SLC35F4: variants seen among roughly 807,000 people sequenced by gnomAD.
SLC35F4 encodes the protein chromosome 14 open reading frame 36.
A neutral mutation model predicts 44.2 loss-of-function variants in SLC35F4; 24 were observed. The observed-to-expected ratio is 0.54, with a 90% confidence interval of 0.39 to 0.76. The LOEUF is 0.76. SLC35F4 is among the 30% of genes least tolerant of loss of function. The pLI is 0.00. For missense variants in SLC35F4, 562 were observed against 586.1 expected (o/e 0.96, Z 0.42); for synonymous variants, 238 against 223.6 (o/e 1.06, Z -0.57).
intron 1 of SLC35F4, among the ~76,000 whole-genome samples, chr14:57,876,655 T>C (rs555068407): frequency 2.0e-5 from 3 of 152,298 alleles, no homozygotes; most frequent in African/African-American, 7.2e-5. Context: ...GTTATAATCT[T>C]GAGAATGGAT....
intron 3 of SLC35F4, among the ~76,000 whole-genome samples, chr14:57,585,317 A>G (rs998485538): frequency 6.6e-6 from 1 of 152,202 alleles, no homozygotes; most frequent in Non-Finnish European, 1.5e-5. Flanking sequence ...TTCTTAAACT[A>G]GGTATGGATG....
chr14:57,738,536 G>T (rs2076521366), intron 1 of SLC35F4, among the ~76,000 whole-genome samples: 1 of 151,816 alleles, frequency 6.6e-6, no homozygotes, highest in African/African-American at 2.4e-5. Flanking sequence ...GCTTCCCCAT[G>T]ACTGCCCATG....
chr14:57,746,072 G>A (rs1406227554), intron 1 of SLC35F4, among the ~76,000 whole-genome samples: 1 of 151,956 alleles, frequency 6.6e-6, no homozygotes, highest in African/African-American at 2.4e-5. Context: ...ATCACACACT[G>A]GGGCCTGTCA....
At chr14:57,931,951 A>C (rs978918380) in intron 1 of SLC35F4, among the ~76,000 whole-genome samples, 1 of 152,228 alleles carries the variant, frequency 6.6e-6, no homozygotes, top group Admixed American at 6.5e-5. Flanking sequence ...TGTAGACTTA[A>C]AGCAATACAG....
chr14:57,689,110 C>T (rs2075151905), intron 1 of SLC35F4, among the ~76,000 whole-genome samples: 1 of 152,128 alleles, frequency 6.6e-6, no homozygotes, highest in South Asian at 2.1e-4. Flanking sequence ...CTGAAATATC[C>T]TATAAGTGCT....
chr14:57,868,997 A>C (rs1888240060), upstream of SLC35F4, among the ~76,000 whole-genome samples: 3 of 152,148 alleles, frequency 2.0e-5, 1 homozygote, highest in South Asian at 6.2e-4. Context: ...AGTAGTTGTA[A>C]ATTATAATTC....
intron 1 of SLC35F4, among the ~76,000 whole-genome samples, chr14:57,939,743 G>A (rs2141072075): frequency 6.6e-6 from 1 of 152,220 alleles, no homozygotes; most frequent in Admixed American, 6.5e-5. Flanking sequence ...CTGGGAGTTG[G>A]GTAGAAGGCC....
chr14:57,603,302 A>C (rs1025911682), intron 1 of SLC35F4, among the ~76,000 whole-genome samples: 5 of 152,204 alleles, frequency 3.3e-5, no homozygotes, highest in African/African-American at 1.2e-4. Context: ...TTTTTTTAAA[A>C]AAAATCTCAG....
At chr14:57,805,631 T>C (rs921127250) in intron 1 of SLC35F4, among the ~76,000 whole-genome samples, 4 of 150,534 alleles carry the variant, frequency 2.7e-5, no homozygotes, top group African/African-American at 4.9e-5. Flanking sequence ...GAGTGGGGAG[T>C]AGGGGGAGAG....
intron 1 of SLC35F4, among the ~76,000 whole-genome samples, chr14:57,626,158 A>T (rs2072465084): frequency 6.9e-6 from 1 of 145,952 alleles, no homozygotes; most frequent in African/African-American, 2.5e-5. Flanking sequence ...AACATCTCAC[A>T]CTGGGACCTG....
intron 1 of SLC35F4, among the ~76,000 whole-genome samples, chr14:57,959,413 C>T (rs186194617): frequency 1.3e-5 from 2 of 152,264 alleles, no homozygotes; most frequent in East Asian, 3.9e-4. Flanking sequence ...CCAGCATTAT[C>T]TCTTCTGATA....
At chr14:57,806,289 A>T (rs1881306483) in intron 1 of SLC35F4, among the ~76,000 whole-genome samples, 1 of 152,202 alleles carries the variant, frequency 6.6e-6, no homozygotes, top group Non-Finnish European at 1.5e-5. Flanking sequence ...GTACATTGCT[A>T]ACCAGAGCAA....
At position 57,866,058 on chromosome 14, in the gene SLC35F4, C is replaced by A. The variant is rs1888141974; in HGVS notation, c.-233G>T. The A allele has an allele frequency of 3.6e-6, 1 of 274,974 alleles. No individual in the cohort carries two copies. The allele number at this position is 274,974 out of a possible 1,614,324, so 17.0% of individuals were successfully genotyped here. On this transcript the variant is annotated 5_prime_UTR_variant, in exon 1 of 8. Coordinates refer to ENST00000556826, the MANE Select transcript of SLC35F4 (RefSeq NM_001306087.2). ...CGGCCTCTCCGTCAGCCTGGCAGCT[C>A]TCCCGCGCGCCACCCGGAGCACTGC...
In SLC35F4 at chr14:57,733,031, T is replaced by G. The variant is rs12895381; in HGVS notation, c.103+132692A>C. On this transcript the variant is annotated intron_variant, in intron 1 of 7. Transcript: ENST00000556826. ...TGATTCATGTATAAATGTGTAAATA[T>G]GAAAAAAAAACCAGCCTCCAGATTC... is the stretch of plus-strand genomic sequence containing the variant. 4.6e-5 allele frequency among the ~76,000 whole-genome samples: 7 copies of G among 151,764 alleles called. No individual in the cohort carries two copies. In the East Asian group the frequency reaches 1.4e-3, roughly 30 times the overall value.
chr14:57,772,320 C>G (rs995755564), intron 1 of SLC35F4, among the ~76,000 whole-genome samples: 1 of 152,164 alleles, frequency 6.6e-6, no homozygotes, highest in African/African-American at 2.4e-5. Flanking sequence ...AACTGCTTTC[C>G]TGAAGCCAAT....
chr14:57,872,544 T>A (rs1473265503), intron 1 of SLC35F4, among the ~76,000 whole-genome samples: 3 of 152,168 alleles, frequency 2.0e-5, no homozygotes, highest in African/African-American at 7.2e-5. Context: ...CTCATGCCAA[T>A]GCTGGGCACC....
chr14:57,966,700 T>C (rs1445070815), intron 1 of SLC35F4, among the ~76,000 whole-genome samples: 2 of 152,196 alleles, frequency 1.3e-5, no homozygotes, highest in Non-Finnish European at 2.9e-5. Context: ...ATCAGATTGG[T>C]GTTTTTCATT....
intron 1 of SLC35F4, among the ~76,000 whole-genome samples, chr14:57,773,089 G>A (rs767981114): frequency 3.9e-5 from 6 of 152,048 alleles, no homozygotes; most frequent in African/African-American, 1.2e-4. Context: ...TCTGATGATC[G>A]GTGATGTTGA....
intron 1 of SLC35F4, among the ~76,000 whole-genome samples, chr14:57,629,048 G>T (rs1354894309): frequency 6.6e-6 from 1 of 152,130 alleles, no homozygotes; most frequent in Non-Finnish European, 1.5e-5. Flanking sequence ...GGTGATTTTT[G>T]TTCAGAGACA....
Sources: allele counts gnomAD v4.1 joint callset (sites outside exome capture counted in the v4.1 genomes callset), GRCh38; gene constraint gnomAD v4.1.1; transcripts MANE v1.5; gene names NCBI Gene and HGNC (gene_info 2026-07-23, HGNC 2026-07-21).